The following WDR27 variants were observed in gnomAD, a reference collection of about 807,000 sequenced individuals.
WDR27 encodes the protein WD repeat-containing protein 27.
A neutral mutation model predicts 114.4 loss-of-function variants in WDR27; 100 were observed. The observed-to-expected ratio is 0.87, with a 90% CI of 0.74 to 1.03. The LOEUF is 1.03. Among genes scored for constraint, WDR27 ranks in the 50% least tolerant of loss-of-function variants. The pLI, the probability that WDR27 is intolerant of heterozygous loss-of-function variation, is 0.00. For synonymous variants in WDR27, 449 were observed against 423.1 expected (o/e 1.06, Z -0.75); for missense variants, 1,129 against 1,092.9 (o/e 1.03, Z -0.47).
At chr6:169,643,502 C>A (rs1329786991) in intron 17 of WDR27, among the ~76,000 whole-genome samples, 195 bp downstream of exon 17, 1 of 152,208 alleles carries the variant, frequency 6.6e-6, no homozygotes, top group East Asian at 1.9e-4. Context: ...AGTGCTGCCA[C>A]GCTGTTCTCA....
At chr6:169,551,650 T>A (rs750034164) in intron 25 of WDR27, among the ~76,000 whole-genome samples, 1 of 144,936 alleles carries the variant, frequency 6.9e-6, no homozygotes, top group Admixed American at 7.3e-5. Flanking sequence ...GGCAGGAGAA[T>A]CACTTGAACC....
intron 25 of WDR27, among the ~76,000 whole-genome samples, chr6:169,487,347 C>T (rs547888766): frequency 6.6e-6 from 1 of 152,284 alleles, no homozygotes; most frequent in South Asian, 2.1e-4. Context: ...ATTAATAGCA[C>T]CAGAATCTAC....
intron 25 of WDR27, among the ~76,000 whole-genome samples, chr6:169,570,457 A>T (rs1298877285): frequency 1.3e-5 from 2 of 152,204 alleles, no homozygotes; most frequent in Non-Finnish European, 2.9e-5. Flanking sequence ...CACTCCCAGG[A>T]ATACTTGCAG....
intron 25 of WDR27, among the ~76,000 whole-genome samples, chr6:169,478,418 A>T (rs2115367757): frequency 6.6e-6 from 1 of 152,348 alleles, no homozygotes; most frequent in African/African-American, 2.4e-5. Flanking sequence ...ATTTTAAGCC[A>T]TGTAAAAGAT....
Position 169,686,040 on chromosome 6 carries a change from C to T in WDR27, c.189+2777G>A, listed in dbSNP as rs117668588. ...TTACAGTTCAGGAGAGAACTGGTTG[C>T]TATATTCAAAGTACTGAAAGAAAAT... On this transcript the variant is annotated intron_variant, in intron 2 of 25. Transcript: ENST00000448612. Among the ~76,000 whole-genome samples the T allele has an allele frequency of 9.1e-3, 1,387 of 152,230 alleles. 13 individuals are homozygous for T. Among genetic ancestry groups the T allele is most frequent in the Non-Finnish European group, 0.014 (975 of 67,998 alleles).
intron 25 of WDR27, among the ~76,000 whole-genome samples, chr6:169,523,249 G>C (rs1562529705): frequency 6.6e-6 from 1 of 151,912 alleles, no homozygotes; most frequent in Non-Finnish European, 1.5e-5. Context: ...TGAAGAAATA[G>C]AAAACTTCAA....
rs781264531 is a variant in WDR27 at position 169,638,530 on chromosome 6, G to T, written c.1869+9C>A. The T allele has an allele frequency of 1.4e-5, 23 of 1,610,592 alleles. No individual in the cohort carries two copies. Among genetic ancestry groups the T allele is most frequent in the Non-Finnish European group, 1.7e-5 (20 of 1,179,000 alleles). On this transcript the variant is annotated intron_variant, in intron 18 of 25. Transcript: ENST00000448612. ...ATGACTGCCCATGGCAGAGATGACTGTCCATTACCAGAAGCAGTGCGAGCT... is the reference window on the plus strand; with the variant it reads ...ATGACTGCCCATGGCAGAGATGACTTTCCATTACCAGAAGCAGTGCGAGCT...
At chr6:169,485,874 T>C (rs1026370765) in intron 25 of WDR27, among the ~76,000 whole-genome samples, 2 of 152,182 alleles carry the variant, frequency 1.3e-5, no homozygotes, top group African/African-American at 2.4e-5. Context: ...CAAGGGAAGC[T>C]AGAGGCCATT....
At chr6:169,546,010 C>T (rs1797416407) in intron 25 of WDR27, among the ~76,000 whole-genome samples, 1 of 151,766 alleles carries the variant, frequency 6.6e-6, no homozygotes, top group Non-Finnish European at 1.5e-5. Flanking sequence ...GACAAATAAG[C>T]ACATTAAAGA....
intron 25 of WDR27, among the ~76,000 whole-genome samples, chr6:169,501,410 C>T (rs73038112): frequency 2.0e-5 from 3 of 152,342 alleles, no homozygotes; most frequent in Non-Finnish European, 4.4e-5. Context: ...CAGTAGCCCG[C>T]AGATGTGCCT....
chr6:169,522,909 G>A (rs1794559623), intron 25 of WDR27, among the ~76,000 whole-genome samples: 1 of 151,028 alleles, frequency 6.6e-6, no homozygotes, highest in Non-Finnish European at 1.5e-5. Flanking sequence ...CAAAGAAAGA[G>A]GAAAGAAAGA....
intron 25 of WDR27, among the ~76,000 whole-genome samples, chr6:169,565,674 T>A (rs1800344559): frequency 6.6e-6 from 1 of 152,248 alleles, no homozygotes; most frequent in African/African-American, 2.4e-5. Context: ...GTAACATTTT[T>A]AAAATTATTC....
chr6:169,584,061 C>CCATTT (rs796793293), intron 23 of WDR27, among the ~76,000 whole-genome samples: 5 of 152,114 alleles, frequency 3.3e-5, no homozygotes, highest in South Asian at 2.1e-4. Context: ...CCACATCTCC[C>CCATTT]CCTCCCCGCC....
the WDR27 span, among the ~76,000 whole-genome samples, chr6:169,442,759 C>T: frequency 6.6e-6 from 1 of 152,146 alleles, no homozygotes; most frequent in Non-Finnish European, 1.5e-5. Flanking sequence ...CAGTGGAGAG[C>T]ATATCTGGCC....
intron 25 of WDR27, among the ~76,000 whole-genome samples, chr6:169,538,256 C>G (rs1205147561): frequency 6.6e-6 from 1 of 152,192 alleles, no homozygotes. Flanking sequence ...TAACCTTACA[C>G]ACATTCTCTG....
intron 25 of WDR27, among the ~76,000 whole-genome samples, chr6:169,511,694 C>CA (rs199886100): frequency 0.019 from 2,778 of 148,816 alleles, 67 homozygotes; most frequent in African/African-American, 0.058. Context: ...TGGCCTTTTA[C>CA]AAAAAAAAAA....
At chr6:169,693,792 T>A (rs1785114225) in intron 1 of WDR27, among the ~76,000 whole-genome samples, 1 of 149,626 alleles carries the variant, frequency 6.7e-6, no homozygotes, top group African/African-American at 2.5e-5. Flanking sequence ...TAGGAAAATA[T>A]CACAATCCTA....
rs374731448 is a variant in WDR27 at position 169,574,587 on chromosome 6, C to A, written c.2524-2047G>T. 2.0e-4 allele frequency among the ~76,000 whole-genome samples: 30 copies of A among 152,298 alleles called. No homozygotes were observed. The East Asian group carries it at 2.7e-3, about 14-fold the overall frequency. On this transcript the variant is annotated intron_variant, in intron 24 of 25. Transcript: ENST00000448612. ...CAGAACGTGCCAGCCTCGGTCCCAG[C>A]GAGAGGTGGGAAGCTCATCCTGCAG...
chr6:169,454,250 A>G (rs1456235928), downstream of WDR27, among the ~76,000 whole-genome samples: 2 of 152,066 alleles, frequency 1.3e-5, no homozygotes, highest in Admixed American at 1.3e-4. Context: ...AACCATTTGC[A>G]TGTTGGTCAT....
Sources: allele counts gnomAD v4.1 joint callset (sites outside exome capture counted in the v4.1 genomes callset), GRCh38; gene constraint gnomAD v4.1.1; transcripts MANE v1.5; gene names NCBI Gene and HGNC (gene_info 2026-07-23, HGNC 2026-07-21).